RALGAPB: variants seen among roughly 807,000 people sequenced by gnomAD.
The protein encoded by RALGAPB is ral GTPase-activating protein subunit beta.
In RALGAPB, 25 loss-of-function variants were observed where a neutral mutation model predicts 161.1. That is an observed-to-expected ratio of 0.16 (90% confidence interval 0.11 to 0.22). The LOEUF (loss-of-function observed/expected upper bound fraction) is 0.22. RALGAPB is among the 10% of genes least tolerant of loss of function. The pLI, the probability that RALGAPB is intolerant of heterozygous loss-of-function variation, is 1.00. For missense variants in RALGAPB, 1,391 were observed against 1,815.2 expected (o/e 0.77, Z 4.25); for synonymous variants, 629 against 626.1 (o/e 1.00, Z -0.07).
chr20:38,506,123 A>C (rs920662649), intron 5 of RALGAPB, among the ~76,000 whole-genome samples: 6 of 152,232 alleles, frequency 3.9e-5, no homozygotes, highest in African/African-American at 1.4e-4. Context: ...AGGTATTATA[A>C]GTAATCTTGA....
Position 38,576,293 on chromosome 20 carries a change from A to G in RALGAPB, c.*1326A>G, listed in dbSNP as rs1433693975. ...TCCAAAGAGGAATGATCACAGTTGTATAAGGGGTGTTTTCCCACTTGAACT... is the reference window on the plus strand; with the variant it reads ...TCCAAAGAGGAATGATCACAGTTGTGTAAGGGGTGTTTTCCCACTTGAACT... On this transcript the variant is annotated 3_prime_UTR_variant, in exon 30 of 30. Transcript: ENST00000262879. The G allele has an allele frequency of 6.5e-6, 1 of 152,692 alleles. No homozygotes were observed. Among genetic ancestry groups the G allele is most frequent in the South Asian group, 2.1e-4 (1 of 4,834 alleles). 9.5% of individuals were successfully genotyped at this position (152,692 alleles called of 1,614,324 possible). A position where few individuals can be genotyped will look rare whatever the true frequency, so the allele number is the denominator to read the frequency against.
intron 21 of RALGAPB, 142 bp from the exon 22 acceptor site, chr20:38,553,724 AT>A: frequency 1.6e-6 from 1 of 627,976 alleles, no homozygotes; most frequent in Admixed American, 3.4e-5. Context: ...AGGCAGGAGG[AT>A]CACTTGAGCC....
At chr20:38,497,885 A>G (rs1359687692) in intron 4 of RALGAPB, among the ~76,000 whole-genome samples, 2 of 152,170 alleles carry the variant, frequency 1.3e-5, no homozygotes, top group Non-Finnish European at 2.9e-5. Context: ...CCTGGCCAAC[A>G]TGGCGAAACC....
Position 38,574,193 on chromosome 20 carries a change from C to G in RALGAPB, c.4186C>G (p.Pro1396Ala). The G allele has an allele frequency of 1.2e-6, 2 of 1,612,830 alleles. No homozygotes were observed. Among genetic ancestry groups the G allele is most frequent in the Non-Finnish European group, 1.7e-6 (2 of 1,179,354 alleles). Residue 1396 changes from proline to alanine, a missense_variant, in exon 29 of 30, where the codon CCT becomes GCT. Physicochemically the swap from Pro to Ala is conservative, Grantham distance 27. Around this residue, in one of 3 missense-constraint regions of RALGAPB, gnomAD observed 436 missense variants for 527.0 expected, o/e 0.83. Transcript: ENST00000262879. Reference protein sequence around the residue: ...EKEVPVIFIHPLNTGLFRIKI... With the variant: ...EKEVPVIFIHALNTGLFRIKI... ...AGAAGTTCCTGTCATCTTCATCCACCCTTTAAACACTGGATTATTCCGGAT... is the reference window on the plus strand; with the variant it reads ...AGAAGTTCCTGTCATCTTCATCCACGCTTTAAACACTGGATTATTCCGGAT...
rs2088393439 is a variant in RALGAPB, at chr20:38,575,195, C to T, written c.*228C>T. ...CACTCCTGCTGATAATGATGATATACATTTTAGCCATAAACTTTCTTTTAA... is the reference window on the plus strand; with the variant it reads ...CACTCCTGCTGATAATGATGATATATATTTTAGCCATAAACTTTCTTTTAA... On this transcript the variant is annotated 3_prime_UTR_variant, in exon 30 of 30. Transcript: ENST00000262879. The T allele has an allele frequency of 2.2e-5, 10 of 455,396 alleles. No individual in the cohort carries two copies. Among genetic ancestry groups the T allele is most frequent in the Middle Eastern group, 1.1e-3 (2 of 1,798 alleles). 28.2% of individuals were successfully genotyped at this position (455,396 alleles called of 1,614,324 possible).
At chr20:38,517,453 A>G in intron 7 of RALGAPB, 53 bp from the exon 8 acceptor site, 3 of 1,495,116 alleles carry the variant, frequency 2.0e-6, no homozygotes, top group Non-Finnish European at 2.7e-6. Flanking sequence ...TTTTCTGATC[A>G]TATATTTTGA....
intron 5 of RALGAPB, 71 bp downstream of exon 5, chr20:38,499,704 T>C (rs1357852903): frequency 7.0e-7 from 1 of 1,430,456 alleles, no homozygotes; most frequent in South Asian, 1.4e-5. Flanking sequence ...ATTCATGGAA[T>C]ACATTATAAC....
intron 8 of RALGAPB, 44 bp from the exon 9 acceptor site, chr20:38,517,740 A>G (rs749958722): frequency 6.2e-7 from 1 of 1,605,118 alleles, no homozygotes; most frequent in South Asian, 1.1e-5. Context: ...CTATTTTCTC[A>G]GACTTTTCAT....
chr20:38,510,138 AC>A, intron 6 of RALGAPB, among the ~76,000 whole-genome samples: 1 of 98,848 alleles, frequency 1.0e-5, no homozygotes, highest in African/African-American at 1.4e-4. Context: ...ACATACACAC[AC>A]ACACACACAC....
At chr20:38,474,177 C>T (rs1256462837) in intron 1 of RALGAPB, among the ~76,000 whole-genome samples, 4 of 152,176 alleles carry the variant, frequency 2.6e-5, no homozygotes, top group African/African-American at 7.2e-5. Flanking sequence ...ACCTCTGGGT[C>T]GTTTTTACAT....
At chr20:38,574,320 G>A (rs773088737) in intron 29 of RALGAPB, 22 bp downstream of exon 29, 18 of 1,560,534 alleles carry the variant, frequency 1.2e-5, no homozygotes, top group South Asian at 7.3e-5. Flanking sequence ...ATATGTGGCC[G>A]AAGAGTTAAA....
rs1289691125 is a variant in RALGAPB, at chr20:38,574,140, T to A, written c.4143-10T>A. ...TTGGGTGTCTGAGATAACAATTTTCTTTTCTTAAGATCTACAACTCTTGAA... is the reference window on the plus strand; with the variant it reads ...TTGGGTGTCTGAGATAACAATTTTCATTTCTTAAGATCTACAACTCTTGAA... On this transcript the variant is annotated splice_polypyrimidine_tract_variant and intron_variant, in intron 28 of 29. Transcript: ENST00000262879. 6.3e-7 allele frequency: 1 copy of A among 1,597,388 alleles called. No individual in the cohort carries two copies. Among genetic ancestry groups the A allele is most frequent in the Non-Finnish European group, 8.5e-7 (1 of 1,173,926 alleles).
chr20:38,499,773 T>C (rs2085524436), intron 5 of RALGAPB, 140 bp downstream of exon 5: 2 of 696,280 alleles, frequency 2.9e-6, no homozygotes, highest in African/African-American at 1.9e-5. Flanking sequence ...TTTTTAAATA[T>C]AGATATAACA....
Position 38,497,402 on chromosome 20 carries a change from G to A in RALGAPB, c.439G>A (p.Ala147Thr). The change falls in exon 4 of 30, where the codon GCC becomes ACC. Residue 147 changes from alanine (A) to threonine (T), a missense_variant. This residue lies in a region of RALGAPB where 946 missense variants were observed against 1,257.2 expected (regional missense o/e 0.75). Coordinates refer to ENST00000262879, the MANE Select transcript of RALGAPB (RefSeq NM_020336.4). ...QIRLCLQVLR[A>T]IQKLARESSL... ...TCGACTATGCTTACAGGTCCTGAGA[G>A]CCATTCAGAAACTGGCCCGTGAGTC... 6.2e-7 allele frequency: 1 copy of A among 1,614,084 alleles called. No individual in the cohort carries two copies. Among genetic ancestry groups the A allele is most frequent in the Non-Finnish European group, 8.5e-7 (1 of 1,179,962 alleles).
chr20:38,525,897 G>A lies in RALGAPB; in HGVS notation c.1905G>A (p.Val635=). ...PHHFGTVKSE[V]VLEGKFSNDD... is the part of the protein sequence containing the mutation. ...AATATTATTTGTTTTTTCCATAGGT[G>A]GTCCTGGAAGGAAAGTTTAGTAACG... is the stretch of plus-strand genomic sequence containing the variant. Residue 635 remains valine, a splice_region_variant and synonymous_variant, in exon 13 of 30, where the codon GTG becomes GTA. Coordinates refer to ENST00000262879, the MANE Select transcript of RALGAPB (RefSeq NM_020336.4). The A allele has an allele frequency of 6.2e-7, 1 of 1,610,278 alleles. No homozygotes were observed. The highest frequency in any genetic ancestry group is 1.1e-5 in the South Asian group (1 of 90,102).
chr20:38,496,478 C>T (rs2085431010), intron 3 of RALGAPB, among the ~76,000 whole-genome samples: 2 of 152,070 alleles, frequency 1.3e-5, no homozygotes, highest in African/African-American at 4.8e-5. Context: ...TCTTGGGTTT[C>T]CCATAAGAGA....
At position 38,523,400 on chromosome 20, in the gene RALGAPB, A is replaced by G. The variant is rs560175837; in HGVS notation, c.1620-1378A>G. On this transcript the variant is annotated intron_variant, in intron 10 of 29. Transcript: ENST00000262879. Reference sequence around the variant, plus strand: ...GAGATATCCTAAATGGTACTTTGGTAGTAGGGGAGAAGGCTATCACCATGA... The same window carrying G: ...GAGATATCCTAAATGGTACTTTGGTGGTAGGGGAGAAGGCTATCACCATGA... Among the ~76,000 whole-genome samples, 49 of 152,304 alleles carry G rather than the reference A, an allele frequency of 3.2e-4. No individual in the cohort carries two copies. In the Middle Eastern group the frequency reaches 0.024, roughly 75 times the overall value.
At chr20:38,505,705 A>G (rs1206119886) in intron 5 of RALGAPB, among the ~76,000 whole-genome samples, 5 of 152,240 alleles carry the variant, frequency 3.3e-5, no homozygotes. Context: ...CGACTACAGT[A>G]TAGTCCAAAC....
At chr20:38,529,044 C>T (rs2086564769) in intron 13 of RALGAPB, among the ~76,000 whole-genome samples, 1 of 152,072 alleles carries the variant, frequency 6.6e-6, no homozygotes, top group Admixed American at 6.6e-5. Context: ...GTAGAGTTGA[C>T]CCTTGAACAA....
Sources: allele counts gnomAD v4.1 joint callset (sites outside exome capture counted in the v4.1 genomes callset), GRCh38; gene constraint gnomAD v4.1.1; regional missense constraint gnomAD v4.1.1; transcripts MANE v1.5; gene names NCBI Gene and HGNC (gene_info 2026-07-23, HGNC 2026-07-21).